CTNND2: variants seen among roughly 807,000 people sequenced by gnomAD.
CTNND2 encodes the protein catenin delta-2.
Under a neutral mutation model 144.4 loss-of-function variants are expected in CTNND2, and 22 were observed. The ratio of observed to expected loss-of-function variants is 0.15; its 90% CI spans 0.11 to 0.22. The LOEUF is 0.22. Ranked by LOEUF, CTNND2 falls within the 10% of genes least tolerant of loss-of-function variation. The pLI is 1.00. For synonymous variants in CTNND2, 751 were observed against 695.6 expected (o/e 1.08, Z -1.25); for missense variants, 1,353 against 1,618.8 (o/e 0.84, Z 2.82).
chr5:10,999,802 T>G (rs553067822), intron 18 of CTNND2, among the ~76,000 whole-genome samples: 2 of 152,222 alleles, frequency 1.3e-5, no homozygotes, highest in Non-Finnish European at 2.9e-5. Context: ...CAATCTGATG[T>G]TCTTTATCTT....
chr5:11,222,333 C>T (rs746792929), intron 10 of CTNND2, among the ~76,000 whole-genome samples: 10 of 152,168 alleles, frequency 6.6e-5, no homozygotes, highest in Admixed American at 2.0e-4. Flanking sequence ...CAAGTCATGA[C>T]CCAGTTTCAG....
At chr5:11,179,440 G>A (rs1054460820) in intron 11 of CTNND2, among the ~76,000 whole-genome samples, 4 of 152,014 alleles carry the variant, frequency 2.6e-5, no homozygotes, top group Non-Finnish European at 4.4e-5. Flanking sequence ...TATTTATCTC[G>A]AACTCCTGAC....
At chr5:11,740,353 T>C (rs968493057) in intron 1 of CTNND2, among the ~76,000 whole-genome samples, 1 of 151,952 alleles carries the variant, frequency 6.6e-6, no homozygotes, top group African/African-American at 2.4e-5. Context: ...AATAGACCAA[T>C]GGAACAGAAC....
chr5:11,058,788 G>A (rs1335137537), intron 16 of CTNND2, among the ~76,000 whole-genome samples: 1 of 141,852 alleles, frequency 7.0e-6, no homozygotes, highest in Non-Finnish European at 1.6e-5. Context: ...CAAAGCCACA[G>A]GGGTGAAGCT....
intron 10 of CTNND2, among the ~76,000 whole-genome samples, chr5:11,200,200 A>G (rs759936186): frequency 6.6e-6 from 1 of 152,232 alleles, no homozygotes; most frequent in Admixed American, 6.5e-5. Flanking sequence ...CGTCTCTTAC[A>G]TGAGAGACAG....
At chr5:11,420,124 T>A (rs1392465984) in intron 3 of CTNND2, among the ~76,000 whole-genome samples, 1 of 152,144 alleles carries the variant, frequency 6.6e-6, no homozygotes, top group Middle Eastern at 3.4e-3. Flanking sequence ...GAGTTTGAGA[T>A]CAGCCTGGCC....
chr5:11,162,118 A>G (rs1758829224), intron 11 of CTNND2, among the ~76,000 whole-genome samples: 2 of 151,436 alleles, frequency 1.3e-5, no homozygotes, highest in South Asian at 2.1e-4. Flanking sequence ...GTGCCACTGT[A>G]CTCCAGCCTG....
At chr5:11,380,154 C>T (rs181506631) in intron 7 of CTNND2, among the ~76,000 whole-genome samples, 59 of 152,274 alleles carry the variant, frequency 3.9e-4, no homozygotes, top group African/African-American at 1.4e-3. Context: ...TCTGACTCTG[C>T]GCGGGGTTTA....
At chr5:11,623,024 A>T (rs1300664298) in intron 2 of CTNND2, among the ~76,000 whole-genome samples, 1 of 152,152 alleles carries the variant, frequency 6.6e-6, no homozygotes, top group Non-Finnish European at 1.5e-5. Context: ...TTTACTGGCA[A>T]ACTGTTCCCA....
chr5:11,551,435 T>TTC (rs375652287), intron 3 of CTNND2, among the ~76,000 whole-genome samples: 1,273 of 36,062 alleles, frequency 0.035, 17 homozygotes, highest in Non-Finnish European at 0.04. Flanking sequence ...CTTTTTTCTT[T>TTC]TTTTTTTTTT....
rs1329030331 is a variant in CTNND2, at chr5:11,710,285, A to C, written c.174+21851T>G. Among the ~76,000 whole-genome samples, 3 of 152,124 alleles carry C rather than the reference A, an allele frequency of 2.0e-5. No homozygotes were observed. In the East Asian group the frequency reaches 5.8e-4, roughly 29 times the overall value. The stretch of plus-strand genomic sequence containing the variant: ...CGGCTGGGTGCCGTGGCTCACATCT[A>C]TAATCCCAGCACTTTGGGAGGCTGA... On this transcript the variant is annotated intron_variant, in intron 2 of 21. Coordinates refer to ENST00000304623, the MANE Select transcript of CTNND2 (RefSeq NM_001332.4).
intron 1 of CTNND2, among the ~76,000 whole-genome samples, chr5:11,819,261 C>T (rs1793183233): frequency 1.3e-5 from 2 of 152,128 alleles, no homozygotes; most frequent in African/African-American, 4.8e-5. Flanking sequence ...TGGTGAAACC[C>T]TGTTTCTACT....
chr5:11,637,634 CATA>C (rs987563438), intron 2 of CTNND2, among the ~76,000 whole-genome samples: 5 of 152,108 alleles, frequency 3.3e-5, no homozygotes, highest in African/African-American at 7.2e-5. Context: ...TTCTGAAAAT[CATA>C]ATAATGACAT....
chr5:11,547,312 T>C (rs1365213653), intron 3 of CTNND2, among the ~76,000 whole-genome samples: 1 of 105,884 alleles, frequency 9.4e-6, no homozygotes, highest in Non-Finnish European at 2.2e-5. Flanking sequence ...AATAAATAAA[T>C]AAATAAATAA....
chr5:11,837,861 G>A (rs1225617320), intron 1 of CTNND2, among the ~76,000 whole-genome samples: 1 of 152,112 alleles, frequency 6.6e-6, no homozygotes, highest in Non-Finnish European at 1.5e-5. Flanking sequence ...TGAAACTCTA[G>A]GTCATTTTTG....
chr5:11,203,877 A>T (rs1469718514), intron 10 of CTNND2, among the ~76,000 whole-genome samples: 2 of 152,228 alleles, frequency 1.3e-5, no homozygotes, highest in African/African-American at 4.8e-5. Context: ...TTGAATCTAG[A>T]CTGAACAATT....
At chr5:10,981,553 C>T (rs541396425) in intron 21 of CTNND2, among the ~76,000 whole-genome samples, 5 of 151,916 alleles carry the variant, frequency 3.3e-5, no homozygotes, top group African/African-American at 1.2e-4. Context: ...GTTCAAAGGC[C>T]GTTTGCACAT....
chr5:11,801,140 C>CGTT (rs1791658240), intron 1 of CTNND2, among the ~76,000 whole-genome samples: 1 of 152,146 alleles, frequency 6.6e-6, no homozygotes, highest in Admixed American at 6.5e-5. Context: ...ACTCTTTTGT[C>CGTT]GTTGTTGTTC....
chr5:11,282,106 C>T (rs191064531), intron 9 of CTNND2, among the ~76,000 whole-genome samples: 1 of 152,180 alleles, frequency 6.6e-6, no homozygotes, highest in African/African-American at 2.4e-5. Flanking sequence ...CGGTGGTTCG[C>T]TACCATGGCT....
Sources: allele counts gnomAD v4.1 joint callset (sites outside exome capture counted in the v4.1 genomes callset), GRCh38; gene constraint gnomAD v4.1.1; transcripts MANE v1.5; gene names NCBI Gene and HGNC (gene_info 2026-07-23, HGNC 2026-07-21).